LOXL2: variants seen among roughly 807,000 people sequenced by gnomAD.
LOXL2 encodes the protein lysyl oxidase like 2.
Under a neutral mutation model 93.0 loss-of-function variants are expected in LOXL2, and 70 were observed. That is an observed-to-expected ratio of 0.75 (90% confidence interval 0.62 to 0.92). The LOEUF (loss-of-function observed/expected upper bound fraction) is 0.92, where lower values mean the gene tolerates loss of function less well. LOXL2 is among the 40% of genes least tolerant of loss of function. The pLI is 0.00. For synonymous variants in LOXL2, 438 were observed against 413.2 expected (o/e 1.06, Z -0.73); for missense variants, 973 against 1,054.9 (o/e 0.92, Z 1.08).
rs35274565 is a variant in LOXL2 at position 23,354,588 on chromosome 8, C to CTGTGTGTGTGTGTGTGTGTGTGTGTG, written c.531+5501_531+5502insCACACACACACACACACACACACACA. On this transcript the variant is annotated intron_variant, in intron 3 of 13. Transcript: ENST00000389131. ...ACACATGCTGGTTGGCATCCCTTCTCTGTGTGTGTGTGTGTGTGTTCTCAC... is the reference window on the plus strand; with the variant it reads ...ACACATGCTGGTTGGCATCCCTTCTCTGTGTGTGTGTGTGTGTGTGTGTGTGTGTGTGTGTGTGTGTGTGTTCTCAC... Among the ~76,000 whole-genome samples the CTGTGTGTGTGTGTGTGTGTGTGTGTG allele has an allele frequency of 3.8e-3, 569 of 150,896 alleles. 3 individuals are homozygous for CTGTGTGTGTGTGTGTGTGTGTGTGTG. Among genetic ancestry groups the CTGTGTGTGTGTGTGTGTGTGTGTGTG allele is most frequent in the African/African-American group, 0.011 (468 of 41,090 alleles).
intron 3 of LOXL2, among the ~76,000 whole-genome samples, chr8:23,341,712 G>T (rs984902769): frequency 6.6e-6 from 1 of 152,204 alleles, no homozygotes; most frequent in African/African-American, 2.4e-5. Context: ...GAAGCTGGTG[G>T]TGCCACCCTG....
chr8:23,347,276 G>A (rs1013563228), intron 3 of LOXL2, among the ~76,000 whole-genome samples: 3 of 152,056 alleles, frequency 2.0e-5, no homozygotes, highest in Non-Finnish European at 2.9e-5. Flanking sequence ...AGAATCACTT[G>A]AATCTGGGAG....
chr8:23,306,804 C>G (rs974423630), intron 10 of LOXL2, among the ~76,000 whole-genome samples: 6 of 152,260 alleles, frequency 3.9e-5, no homozygotes, highest in Admixed American at 3.9e-4. Context: ...GTGCCCCATG[C>G]TTTGTCCTGT....
At position 23,309,688 on chromosome 8, in the gene LOXL2, C is replaced by A. The variant is rs1803290894; in HGVS notation, c.1860G>T (p.Trp620Cys). 3 of 1,506,876 alleles carry A rather than the reference C, an allele frequency of 2.0e-6. No individual in the cohort carries two copies. The highest frequency in any genetic ancestry group is 2.5e-5 in the East Asian group (1 of 39,304). The allele number at this position is 1,506,876 out of a possible 1,614,324, so 93.3% of individuals were successfully genotyped here. A position where few individuals can be genotyped will look rare whatever the true frequency, so the allele number is the denominator to read the frequency against. The change falls in exon 10 of 14, where the codon TGG becomes TGT. Residue 620 changes from tryptophan to cysteine, a missense_variant. Physicochemically the swap from Trp to Cys is radical, Grantham distance 215. Transcript: ENST00000389131. ...CCTACCTGTGACAGTCGTGCCAGAT[C>A]CACGCGTGGCGGCCGTTCTTGGGCC... is the stretch of plus-strand genomic sequence containing the variant. ...DFRPKNGRHA[W>C]IWHDCHRHYH...
chr8:23,370,740 T>A (rs1352332979), intron 1 of LOXL2: 3 of 152,266 alleles, frequency 2.0e-5, no homozygotes, highest in East Asian at 1.9e-4. Flanking sequence ...CTCCAGGGAC[T>A]GGGGAGACCG....
intron 8 of LOXL2, among the ~76,000 whole-genome samples, chr8:23,318,459 AC>A (rs1167392655): frequency 3.5e-5 from 4 of 115,504 alleles, no homozygotes; most frequent in East Asian, 2.2e-4. Flanking sequence ...ACACACACAC[AC>A]AAAAATACAC....
chr8:23,400,838 G>A (rs950277981), intron 1 of LOXL2, among the ~76,000 whole-genome samples: 2 of 152,156 alleles, frequency 1.3e-5, no homozygotes, highest in African/African-American at 4.8e-5. Context: ...CTAGTTCAGA[G>A]AGGGCAGCTC....
At chr8:23,389,567 C>T (rs558251694) in intron 1 of LOXL2, among the ~76,000 whole-genome samples, 2 of 152,228 alleles carry the variant, frequency 1.3e-5, no homozygotes, top group African/African-American at 4.8e-5. Flanking sequence ...TAGTCAATAG[C>T]AACAATTGTT....
Position 23,298,091 on chromosome 8 carries a change from CT to C in LOXL2, c.2276del (p.Lys759SerfsTer9), listed in dbSNP as rs765428971. Reference protein sequence around the residue: ...GGSFSEETEKKFEHFSGLLNN... With the variant: ...GGSFSEETEKXFEHFSGLLNN... ...TTAAGAGCCCGCTGAAGTGCTCAAA[CT>C]TTTTTTCCGTCTCTTCGCTGAAGGA... On this transcript the variant is annotated frameshift_variant, in exon 14 of 14. Transcript: ENST00000389131. LOFTEE classifies it high-confidence loss of function. 3.7e-6 allele frequency: 6 copies of C among 1,613,808 alleles called. No individual in the cohort carries two copies. The highest frequency in any genetic ancestry group is 5.1e-6 in the Non-Finnish European group (6 of 1,179,982).
intron 5 of LOXL2, among the ~76,000 whole-genome samples, chr8:23,329,295 G>C (rs1199059910): frequency 6.6e-6 from 1 of 152,198 alleles, no homozygotes; most frequent in Non-Finnish European, 1.5e-5. Flanking sequence ...GTCCAAATTG[G>C]CCTGACTCCA....
chr8:23,318,049 T>C (rs554307126), intron 8 of LOXL2, among the ~76,000 whole-genome samples: 1 of 144,848 alleles, frequency 6.9e-6, no homozygotes, highest in Non-Finnish European at 1.5e-5. Flanking sequence ...CAAACACTAT[T>C]CTAGATGCTT....
intron 6 of LOXL2, among the ~76,000 whole-genome samples, chr8:23,326,828 G>A (rs1348120830): frequency 6.6e-6 from 1 of 152,170 alleles, no homozygotes; most frequent in African/African-American, 2.4e-5. Context: ...AAGCTGCCAG[G>A]TGGCATGATG....
chr8:23,381,075 G>A (rs1340388846), intron 1 of LOXL2, among the ~76,000 whole-genome samples: 1 of 144,574 alleles, frequency 6.9e-6, no homozygotes, highest in Non-Finnish European at 1.5e-5. Context: ...GATCAAAACT[G>A]TGTTGTAAAC....
At chr8:23,322,093 TCA>T (rs1214191242) in intron 7 of LOXL2, 35 bp downstream of exon 7, 2 of 1,607,356 alleles carry the variant, frequency 1.2e-6, no homozygotes, top group South Asian at 2.2e-5. Flanking sequence ...TTCTGCAGCC[TCA>T]GTTACAGTCC....
chr8:23,349,786 C>T (rs1804060014), intron 3 of LOXL2, among the ~76,000 whole-genome samples: 1 of 151,878 alleles, frequency 6.6e-6, no homozygotes, highest in African/African-American at 2.4e-5. Flanking sequence ...TCCTTCCAAC[C>T]ATGTTTGAGG....
intron 1 of LOXL2, among the ~76,000 whole-genome samples, chr8:23,384,686 G>T (rs113478984): frequency 1.8e-4 from 28 of 152,212 alleles, no homozygotes; most frequent in Admixed American, 1.1e-3. Context: ...GGCCGAGGCG[G>T]GCGGATCACC....
At chr8:23,356,604 G>A (rs1335887801) in intron 3 of LOXL2, among the ~76,000 whole-genome samples, 1 of 152,132 alleles carries the variant, frequency 6.6e-6, no homozygotes, top group African/African-American at 2.4e-5. Context: ...CCTACTTTCA[G>A]CGGCTACCAA....
At chr8:23,348,110 C>T (rs965377274) in intron 3 of LOXL2, among the ~76,000 whole-genome samples, 1 of 152,072 alleles carries the variant, frequency 6.6e-6, no homozygotes, top group Non-Finnish European at 1.5e-5. Context: ...TTTGCAGGGA[C>T]ATGGATGAAG....
chr8:23,346,115 AT>A (rs1298111273), intron 3 of LOXL2, among the ~76,000 whole-genome samples: 3 of 67,814 alleles, frequency 4.4e-5, no homozygotes, highest in Admixed American at 1.5e-4. Context: ...ATAAAATAAA[AT>A]TAAAATAAAA....
Sources: gnomAD v4.1 joint callset for allele counts (sites outside exome capture counted in the v4.1 genomes callset) on GRCh38, gnomAD v4.1.1 for gene constraint, MANE v1.5 for transcripts, NCBI Gene and HGNC (gene_info 2026-07-23, HGNC 2026-07-21) for gene names.